Variants in VPS39 observed in about 807,000 individuals in gnomAD.
VPS39 encodes the protein VPS39 subunit of HOPS complex.
VPS39 carries 70 observed loss-of-function variants against 121.0 expected under a neutral mutation model. The observed-to-expected ratio is 0.58, with a 90% CI of 0.48 to 0.71. The LOEUF (loss-of-function observed/expected upper bound fraction) is 0.71, where lower values mean the gene tolerates loss of function less well. Ranked by LOEUF, VPS39 falls within the 30% of genes least tolerant of loss-of-function variation. VPS39 has a pLI of 0.00. For missense variants in VPS39, 818 were observed against 1,051.5 expected (o/e 0.78, Z 3.07); for synonymous variants, 378 against 398.1 (o/e 0.95, Z 0.60).
chr15:42,191,188 A>G, intron 3 of VPS39, 21 bp from the exon 4 acceptor site: 1 of 1,613,912 alleles, frequency 6.2e-7, no homozygotes, highest in Non-Finnish European at 8.5e-7. Context: ...GGAAATCATG[A>G]GACCCAATTA....
At chr15:42,166,453 T>A in intron 15 of VPS39, 110 bp downstream of exon 15, 1 of 1,288,810 alleles carries the variant, frequency 7.8e-7, no homozygotes, top group South Asian at 1.3e-5. Flanking sequence ...TGAAATTGAG[T>A]GAACACGAGC....
In VPS39 at chr15:42,184,703, A is replaced by G. The variant is rs1430780627; in HGVS notation, c.535-3T>C. ...TTGATGGACCCCTTTCCATCCACCT[A>G]TAGGAAGAAACAGAGTGAGTCACCT... On this transcript the variant is annotated splice_polypyrimidine_tract_variant and splice_region_variant and intron_variant, in intron 7 of 24. Coordinates refer to ENST00000318006, the MANE Select transcript of VPS39 (RefSeq NM_015289.5). 6 of 1,607,660 alleles carry G rather than the reference A, an allele frequency of 3.7e-6. No homozygotes were observed. Among genetic ancestry groups the G allele is most frequent in the Non-Finnish European group, 4.2e-6 (5 of 1,176,916 alleles).
At chr15:42,187,973 C>T (rs753400699) in intron 5 of VPS39, 117 bp from the exon 6 acceptor site, 5 of 917,372 alleles carry the variant, frequency 5.5e-6, no homozygotes, top group Non-Finnish European at 8.7e-6. Context: ...CCCTGTAACA[C>T]AGTCATCCTG....
chr15:42,196,294 T>G (rs539434930), intron 2 of VPS39, among the ~76,000 whole-genome samples: 1 of 151,952 alleles, frequency 6.6e-6, no homozygotes, highest in African/African-American at 2.4e-5. Context: ...CCAAAAGCAA[T>G]GGCAACAAAA....
Position 42,208,300 on chromosome 15 carries a change from A to C in VPS39, c.-147T>G, listed in dbSNP as rs1055772560. 2.0e-6 allele frequency: 2 copies of C among 1,013,638 alleles called. No homozygotes were observed. Among genetic ancestry groups the C allele is most frequent in the East Asian group, 2.7e-5 (1 of 36,884 alleles). The allele number at this position is 1,013,638 out of a possible 1,614,324, so 62.8% of individuals were successfully genotyped here. A position where few individuals can be genotyped will look rare whatever the true frequency, so the allele number is the denominator to read the frequency against. Reference sequence around the variant, plus strand: ...CCCTTCAACAACACAGCCATCGTCAACCCCGGACTTCCTGCTAGTTAGGCC... The same window carrying C: ...CCCTTCAACAACACAGCCATCGTCACCCCCGGACTTCCTGCTAGTTAGGCC... On this transcript the variant is annotated 5_prime_UTR_variant, in exon 1 of 25. Coordinates refer to ENST00000318006, the MANE Select transcript of VPS39 (RefSeq NM_015289.5).
chr15:42,165,012 GAGAT>G lies in VPS39; in HGVS notation c.1877_1880del (p.Tyr626SerfsTer52). 1 of 1,614,218 alleles carries G rather than the reference GAGAT, an allele frequency of 6.2e-7. No individual in the cohort carries two copies. Among genetic ancestry groups the G allele is most frequent in the Non-Finnish European group, 8.5e-7 (1 of 1,180,034 alleles). On this transcript the variant is annotated frameshift_variant, in exon 18 of 25. Transcript: ENST00000318006. LOFTEE classifies it high-confidence loss of function. ...AACTGGTACCTGCAGGGAAGGACAG[GAGAT>G]ACTCCTTCATCAGACCTTGCACCTT... is the stretch of plus-strand genomic sequence containing the variant.
chr15:42,160,932 C>T (rs1044910473), intron 24 of VPS39, 103 bp from the exon 25 acceptor site: 9 of 1,163,906 alleles, frequency 7.7e-6, no homozygotes, highest in African/African-American at 1.5e-5. Context: ...GGGGGCCATT[C>T]CAAAAGCAGC....
At chr15:42,190,269 T>C (rs1595673749) in intron 4 of VPS39, among the ~76,000 whole-genome samples, 1 of 152,232 alleles carries the variant, frequency 6.6e-6, no homozygotes, top group South Asian at 2.1e-4. Context: ...CAATGATTTC[T>C]TTCCTAGCAA....
chr15:42,160,900 C>T, intron 24 of VPS39, 71 bp from the exon 25 acceptor site: 1 of 1,515,128 alleles, frequency 6.6e-7, no homozygotes. Flanking sequence ...GCGGCACCTC[C>T]TACAGAAGAG....
intron 10 of VPS39, among the ~76,000 whole-genome samples, chr15:42,176,598 G>GA (rs11286530): frequency 6.7e-5 from 10 of 149,322 alleles, no homozygotes; most frequent in South Asian, 2.1e-4. Context: ...TGCATGAGTA[G>GA]AAAAAAAAAC....
At position 42,191,165 on chromosome 15, in the gene VPS39, G is replaced by T; in HGVS notation, c.207C>A (p.Ile69=). 2 of 1,614,070 alleles carry T rather than the reference G, an allele frequency of 1.2e-6. No homozygotes were observed. The highest frequency in any genetic ancestry group is 1.7e-6 in the Non-Finnish European group (2 of 1,179,960). ...NKNFSKKIQQ[I]HVVSQFKILV... The stretch of plus-strand genomic sequence containing the variant: ...GAATCTTAAACTGGGAAACCACATG[G>T]ATCTGGAAAATAGGAAATCATGAGA... The change falls in exon 4 of 25, where the codon ATC becomes ATA. Residue 69 remains isoleucine, a splice_region_variant and synonymous_variant. Coordinates refer to ENST00000318006, the MANE Select transcript of VPS39 (RefSeq NM_015289.5).
rs1020296477 is a variant in VPS39, at chr15:42,208,284, A to C, written c.-131T>G. The C allele has an allele frequency of 3.3e-6, 4 of 1,202,582 alleles. No individual in the cohort carries two copies. The highest frequency in any genetic ancestry group is 3.0e-5 in the African/African-American group (2 of 65,816). 74.5% of individuals were successfully genotyped at this position (1,202,582 alleles called of 1,614,324 possible). ...ACCCCCCGGCTACAGGCCCTTCAAC[A>C]ACACAGCCATCGTCAACCCCGGACT... On this transcript the variant is annotated 5_prime_UTR_variant, in exon 1 of 25. Transcript: ENST00000318006.
chr15:42,165,246 G>C (rs767257724), intron 17 of VPS39, 133 bp from the exon 18 acceptor site: 3 of 797,878 alleles, frequency 3.8e-6, no homozygotes, highest in Middle Eastern at 3.0e-4. Flanking sequence ...AGATGACTAA[G>C]AGACAGCTCG....
chr15:42,203,978 T>C (rs1244350443), intron 1 of VPS39, among the ~76,000 whole-genome samples: 1 of 152,190 alleles, frequency 6.6e-6, no homozygotes, highest in Non-Finnish European at 1.5e-5. Flanking sequence ...GTATCAGCCC[T>C]AAAAAACTCC....
intron 2 of VPS39, among the ~76,000 whole-genome samples, chr15:42,192,335 T>G (rs2049845964): frequency 6.6e-6 from 1 of 152,208 alleles, no homozygotes; most frequent in Non-Finnish European, 1.5e-5. Context: ...AAGTAGGTAT[T>G]ATTATTCCAA....
chr15:42,186,276 CAA>C lies in VPS39; in HGVS notation c.534+993_534+994del, dbSNP rs11337458. Among the ~76,000 whole-genome samples, 355 of 134,516 alleles carry C rather than the reference CAA, an allele frequency of 2.6e-3. 2 individuals carry two copies. Among genetic ancestry groups the C allele is most frequent in the African/African-American group, 5.9e-3 (226 of 38,356 alleles). The allele number at this position is 134,516 out of a possible 152,430, so 88.2% of individuals were successfully genotyped here. On this transcript the variant is annotated intron_variant, in intron 7 of 24. Coordinates refer to ENST00000318006, the MANE Select transcript of VPS39 (RefSeq NM_015289.5). ...TTGTGACCCCATCTCTACAAAAATACAAAAAAAAAAAAAATACAAAAATTAGC... is the reference window on the plus strand; with the variant it reads ...TTGTGACCCCATCTCTACAAAAATACAAAAAAAAAAAATACAAAAATTAGC...
chr15:42,189,013 T>C (rs895727341), intron 5 of VPS39, 101 bp downstream of exon 5: 2 of 844,616 alleles, frequency 2.4e-6, no homozygotes, highest in African/African-American at 3.4e-5. Context: ...CTGTTGGGTA[T>C]GGATCATCAG....
chr15:42,170,113 T>C (rs988456150), intron 11 of VPS39, among the ~76,000 whole-genome samples: 1 of 152,084 alleles, frequency 6.6e-6, no homozygotes, highest in Non-Finnish European at 1.5e-5. Context: ...ATAATTAGAA[T>C]TGAATATTTA....
At chr15:42,188,737 A>C (rs958012457) in intron 5 of VPS39, among the ~76,000 whole-genome samples, 11 of 152,160 alleles carry the variant, frequency 7.2e-5, no homozygotes, top group Admixed American at 2.6e-4. Context: ...TGGGAGGCCA[A>C]GGTCACCTAA....
Sources: gnomAD v4.1 joint callset for allele counts (sites outside exome capture counted in the v4.1 genomes callset) on GRCh38, gnomAD v4.1.1 for gene constraint, MANE v1.5 for transcripts, NCBI Gene and HGNC (gene_info 2026-07-23, HGNC 2026-07-21) for gene names.